Variants in EXT1 observed in about 807,000 individuals in gnomAD.
The protein encoded by EXT1 is exostosin glycosyltransferase 1.
EXT1 carries 20 observed loss-of-function variants against 82.5 expected under a neutral mutation model. The ratio of observed to expected loss-of-function variants is 0.24; its 90% CI spans 0.17 to 0.35. The LOEUF (loss-of-function observed/expected upper bound fraction) is 0.35. EXT1 is among the 10% of genes least tolerant of loss of function. EXT1 has a pLI of 1.00. For missense variants in EXT1, 757 were observed against 936.5 expected, an observed-to-expected ratio of 0.81 and a Z score of 2.50; for synonymous variants, 348 against 350.8, an observed-to-expected ratio of 0.99 and a Z score of 0.09.
At chr8:117,999,308 T>C (rs1337461029) in intron 1 of EXT1, among the ~76,000 whole-genome samples, 1 of 152,168 alleles carries the variant, frequency 6.6e-6, no homozygotes, top group Admixed American at 6.5e-5. Context: ...TATGAGACGC[T>C]CCACAACTTA....
At chr8:117,894,342 A>G (rs1034058241) in intron 1 of EXT1, among the ~76,000 whole-genome samples, 1 of 152,060 alleles carries the variant, frequency 6.6e-6, no homozygotes, top group Non-Finnish European at 1.5e-5. Flanking sequence ...ACACCAGCAG[A>G]GTAAATACCC....
rs559850476 is a variant in EXT1 at position 117,933,471 on chromosome 8, C to T, written c.963-96270G>A. On this transcript the variant is annotated intron_variant, in intron 1 of 10. Coordinates refer to ENST00000378204, the MANE Select transcript of EXT1 (RefSeq NM_000127.3). Reference sequence around the variant, plus strand: ...ATGTTAGGCAGGCTGTTCTCCAAATCGTGACCTCAAGGGATCCACCGGCCT... The same window carrying T: ...ATGTTAGGCAGGCTGTTCTCCAAATTGTGACCTCAAGGGATCCACCGGCCT... Among the ~76,000 whole-genome samples the T allele has an allele frequency of 4.9e-4, 75 of 152,268 alleles. No individual in the cohort carries two copies. In the South Asian group the frequency reaches 0.011, roughly 23 times the overall value.
At position 117,796,632 on chromosome 8, in the gene EXT1, A is replaced by G. The variant is rs907931841; in HGVS notation, c.*3080T>C. 8 of 152,214 alleles carry G rather than the reference A, an allele frequency of 5.3e-5. No individual in the cohort carries two copies. The highest frequency in any genetic ancestry group is 2.1e-4 in the South Asian group (1 of 4,834). 9.4% of individuals were successfully genotyped at this position (152,214 alleles called of 1,614,324 possible). On this transcript the variant is annotated 3_prime_UTR_variant, in exon 11 of 11. Coordinates refer to ENST00000378204, the MANE Select transcript of EXT1 (RefSeq NM_000127.3). Reference sequence around the variant, plus strand: ...AAGAAGAAATTAAACTGTAATGCACATAAGATTCCAGTAACAAGCTTTCCC... The same window carrying G: ...AAGAAGAAATTAAACTGTAATGCACGTAAGATTCCAGTAACAAGCTTTCCC...
At chr8:118,105,552 G>A (rs1160609665) in intron 1 of EXT1, among the ~76,000 whole-genome samples, 2 of 152,024 alleles carry the variant, frequency 1.3e-5, no homozygotes, top group Non-Finnish European at 2.9e-5. Context: ...CCAGAAAGCA[G>A]GTTTAGAAAG....
chr8:118,093,700 T>A (rs1817561911), intron 1 of EXT1, among the ~76,000 whole-genome samples: 1 of 152,302 alleles, frequency 6.6e-6, no homozygotes, highest in East Asian at 1.9e-4. Flanking sequence ...TGCAGCTTTG[T>A]CTCCTGAGAA....
At chr8:118,022,074 G>A (rs1816112676) in intron 1 of EXT1, among the ~76,000 whole-genome samples, 1 of 152,074 alleles carries the variant, frequency 6.6e-6, no homozygotes, top group African/African-American at 2.4e-5. Flanking sequence ...AGAGAGCTGG[G>A]TCATACATAA....
At chr8:117,897,588 TC>T (rs1813364036) in intron 1 of EXT1, among the ~76,000 whole-genome samples, 1 of 106,510 alleles carries the variant, frequency 9.4e-6, no homozygotes, top group Admixed American at 1.1e-4. Flanking sequence ...GGGCTTCTTT[TC>T]TCTTTTTTTT....
At chr8:117,859,700 G>A (rs1367518459) in intron 1 of EXT1, among the ~76,000 whole-genome samples, 3 of 152,138 alleles carry the variant, frequency 2.0e-5, no homozygotes, top group African/African-American at 7.2e-5. Flanking sequence ...AAGCTTTTTG[G>A]TTTTACTGAA....
intron 1 of EXT1, among the ~76,000 whole-genome samples, chr8:118,047,665 C>T (rs1816643647): frequency 6.6e-6 from 1 of 152,124 alleles, no homozygotes; most frequent in African/African-American, 2.4e-5. Flanking sequence ...AAAACTAATT[C>T]CCCAACACTC....
chr8:118,016,330 T>C (rs1816003035), intron 1 of EXT1, among the ~76,000 whole-genome samples: 1 of 152,064 alleles, frequency 6.6e-6, no homozygotes, highest in Admixed American at 6.6e-5. Flanking sequence ...GAGGCAGAGG[T>C]TGCAGTGAGC....
At chr8:117,939,575 AAAAAAAAAAAAG>A (rs930074365) in intron 1 of EXT1, among the ~76,000 whole-genome samples, 11 of 150,804 alleles carry the variant, frequency 7.3e-5, no homozygotes, top group South Asian at 2.1e-4. Flanking sequence ...ATCTCTGAAA[AAAAAAAAAAAAG>A]AAAAAGAAAA....
At chr8:117,825,310 T>C (rs1811992192) in intron 4 of EXT1, among the ~76,000 whole-genome samples, 1 of 151,916 alleles carries the variant, frequency 6.6e-6, no homozygotes, top group African/African-American at 2.4e-5. Flanking sequence ...CATTTCACCA[T>C]ATAGAAAGAT....
intron 1 of EXT1, among the ~76,000 whole-genome samples, chr8:117,965,927 A>C (rs956240107): frequency 2.0e-5 from 3 of 152,146 alleles, no homozygotes; most frequent in Non-Finnish European, 4.4e-5. Context: ...ATAACCAAGC[A>C]AAGTATTTCT....
intron 1 of EXT1, among the ~76,000 whole-genome samples, chr8:118,049,553 A>C (rs1816684388): frequency 6.6e-6 from 1 of 152,200 alleles, no homozygotes; most frequent in Non-Finnish European, 1.5e-5. Flanking sequence ...GGTGCCCTGC[A>C]TCCCTGGCAC....
At chr8:118,033,574 G>A (rs1021204994) in intron 1 of EXT1, among the ~76,000 whole-genome samples, 3 of 152,122 alleles carry the variant, frequency 2.0e-5, no homozygotes, top group Non-Finnish European at 4.4e-5. Context: ...GACCTCCTGG[G>A]CTCAAGCAAT....
rs1345435708 is a variant in EXT1, at chr8:117,973,862, AAAGGAAAGGAAAGGAAAGGAAAGG to A, written c.962+136199_962+136222del. Among the ~76,000 whole-genome samples the A allele has an allele frequency of 7.0e-3, 1,001 of 142,640 alleles. 48 individuals are homozygous for A. Among genetic ancestry groups the A allele is most frequent in the African/African-American group, 0.023 (814 of 35,900 alleles). The allele number at this position is 142,640 out of a possible 152,430, so 93.6% of individuals were successfully genotyped here. A position where few individuals can be genotyped will look rare whatever the true frequency, so the allele number is the denominator to read the frequency against. On this transcript the variant is annotated intron_variant, in intron 1 of 10. Coordinates refer to ENST00000378204, the MANE Select transcript of EXT1 (RefSeq NM_000127.3). Reference sequence around the variant, plus strand: ...AAAGGAAAGGAAAGGAAAGGAAAGGAAAGGAAAGGAAAGGAAAGGAAAGGAAGGAAAGGAAAGAAAAGGAAAGGA... The same window carrying A: ...AAAGGAAAGGAAAGGAAAGGAAAGGAAAGGAAAGGAAAGAAAAGGAAAGGA...
intron 1 of EXT1, among the ~76,000 whole-genome samples, chr8:117,852,005 A>T (rs1812463826): frequency 6.6e-6 from 1 of 152,206 alleles, no homozygotes; most frequent in African/African-American, 2.4e-5. Flanking sequence ...TTGAGAACTT[A>T]TTACATGCCC....
At chr8:117,898,365 T>A (rs1479413825) in intron 1 of EXT1, among the ~76,000 whole-genome samples, 1 of 152,206 alleles carries the variant, frequency 6.6e-6, no homozygotes, top group Non-Finnish European at 1.5e-5. Context: ...CCTGGGGATG[T>A]TCTAGATGTT....
At chr8:117,981,257 C>T (rs1815196790) in intron 1 of EXT1, among the ~76,000 whole-genome samples, 1 of 152,166 alleles carries the variant, frequency 6.6e-6, no homozygotes, top group African/African-American at 2.4e-5. Flanking sequence ...GCCAACTCTA[C>T]TAATTCAGAA....
Sources: gnomAD v4.1 joint callset for allele counts (sites outside exome capture counted in the v4.1 genomes callset) on GRCh38, gnomAD v4.1.1 for gene constraint, MANE v1.5 for transcripts, NCBI Gene and HGNC (gene_info 2026-07-23, HGNC 2026-07-21) for gene names.